The following BTG4 variants were observed in gnomAD, a reference collection of about 807,000 sequenced individuals.
BTG4 encodes the protein BTG anti-proliferation factor 4, also known as protein BTG4.
BTG4 carries 10 observed loss-of-function variants against 19.3 expected under a neutral mutation model. That is an observed-to-expected ratio of 0.52 (90% CI 0.32 to 0.88). BTG4 has a LOEUF of 0.88. Ranked by LOEUF, BTG4 falls within the 40% of genes least tolerant of loss-of-function variation. The pLI is 0.04. For missense variants in BTG4, 238 were observed against 281.9 expected (o/e 0.84, Z 1.11); for synonymous variants, 91 against 95.7 (o/e 0.95, Z 0.29).
chr11:111,462,605 T>C (rs990498247), downstream of BTG4, among the ~76,000 whole-genome samples: 6 of 152,166 alleles, frequency 3.9e-5, no homozygotes, highest in Admixed American at 2.0e-4. Flanking sequence ...TCCGATAATC[T>C]ATTGTCTTTT....
chr11:111,417,631 A>G, the BTG4 span: 1 of 152,188 alleles, frequency 6.6e-6, no homozygotes, highest in Admixed American at 6.5e-5. Context: ...GCACTGTCTG[A>G]GGGCTGACCA....
the BTG4 span, chr11:111,385,564 T>A: frequency 1.3e-5 from 2 of 151,890 alleles, no homozygotes; most frequent in Non-Finnish European, 2.9e-5. Context: ...GACTAATACA[T>A]CATGATATAA....
the BTG4 span, among the ~76,000 whole-genome samples, chr11:111,408,098 T>G: frequency 2.0e-5 from 3 of 152,198 alleles, no homozygotes; most frequent in Middle Eastern, 3.2e-3. Context: ...CCTTGGAACA[T>G]GTAGCCTTCC....
chr11:111,490,859 A>G (rs772724121), downstream of BTG4, among the ~76,000 whole-genome samples: 1 of 152,232 alleles, frequency 6.6e-6, no homozygotes, highest in East Asian at 1.9e-4. Flanking sequence ...TGCAACTACT[A>G]TATGACCCAT....
In BTG4 at chr11:111,502,527, T is replaced by G. The variant is rs12288359; in HGVS notation, c.-26-3725A>C. 2.4e-3 allele frequency among the ~76,000 whole-genome samples: 370 copies of G among 152,336 alleles called. 2 individuals are homozygous for G. The highest frequency in any genetic ancestry group is 8.4e-3 in the African/African-American group (351 of 41,570). ...TTGCTAGGGTAACTTTTGCAAAGAT[T>G]ATTTTTTAAAATTTATGTTACAAGG... On this transcript the variant is annotated intron_variant, in intron 1 of 4. Coordinates refer to ENST00000692032, the MANE Select transcript of BTG4 (RefSeq NM_001367975.1).
exon 6 of BTG4, chr11:111,467,595 T>C (rs562696842): frequency 2.8e-6 from 2 of 717,944 alleles, no homozygotes; most frequent in Non-Finnish European, 5.0e-6. Context: ...CTCATCTTCC[T>C]GCCATGGAAG....
intron 1 of BTG4, among the ~76,000 whole-genome samples, chr11:111,501,842 G>A (rs906713307): frequency 1.3e-5 from 2 of 152,062 alleles, no homozygotes; most frequent in Admixed American, 6.6e-5. Flanking sequence ...TGAAATGGGT[G>A]GCTGAGCATC....
intron 5 of BTG4, among the ~76,000 whole-genome samples, chr11:111,472,007 A>C (rs1396752014): frequency 1.3e-5 from 2 of 152,150 alleles, no homozygotes; most frequent in Non-Finnish European, 2.9e-5. Context: ...CAACTACAAT[A>C]CCACCCTTGT....
chr11:111,401,051 C>G, the BTG4 span: 1 of 9,836 alleles, frequency 1.0e-4, no homozygotes, highest in Non-Finnish European at 2.0e-4. Flanking sequence ...GAACCTGGAG[C>G]ATAAAAAAAA....
At chr11:111,455,703 T>G in the BTG4 span, 11 of 415,284 alleles carry the variant, frequency 2.6e-5, no homozygotes, top group Non-Finnish European at 5.0e-5. Context: ...GTCCCGGAAC[T>G]GGCCAAAACA....
At chr11:111,455,891 T>G in the BTG4 span, 2 of 441,710 alleles carry the variant, frequency 4.5e-6, no homozygotes, top group Non-Finnish European at 9.3e-6. Context: ...GAGCTTTGCT[T>G]GGGCCTCAGC....
intron 5 of BTG4, among the ~76,000 whole-genome samples, chr11:111,487,861 A>G (rs1865160311): frequency 6.6e-6 from 1 of 152,172 alleles, no homozygotes; most frequent in South Asian, 2.1e-4. Flanking sequence ...TCCCATTTAC[A>G]ATAGCTACAA....
At chr11:111,474,192 A>G (rs1464755709) in intron 5 of BTG4, among the ~76,000 whole-genome samples, 1 of 152,158 alleles carries the variant, frequency 6.6e-6, no homozygotes, top group Admixed American at 6.5e-5. Flanking sequence ...GAAAACTTTT[A>G]AACCTTTATT....
downstream of BTG4, among the ~76,000 whole-genome samples, chr11:111,465,789 GGAGAATGAGGCCATGCTTCTA>G (rs1863686171): frequency 6.6e-6 from 1 of 152,186 alleles, no homozygotes; most frequent in Non-Finnish European, 1.5e-5. Flanking sequence ...AGGCTTTGTA[GGAGAATGAGGCCATGCTTCTA>G]CCGTGAGGAA....
At chr11:111,498,260 G>T (rs1865859428) in intron 2 of BTG4, 125 bp from the exon 3 acceptor site, 1 of 1,047,250 alleles carries the variant, frequency 9.5e-7, no homozygotes, top group South Asian at 1.5e-5. Flanking sequence ...CTTCCCCTCA[G>T]CCTCCTCCAC....
intron 5 of BTG4, among the ~76,000 whole-genome samples, chr11:111,476,376 G>T (rs78591557): frequency 0.027 from 4,067 of 152,140 alleles, 95 homozygotes; most frequent in Middle Eastern, 0.088. Context: ...GGATTTAGCT[G>T]TCAATCCAAC....
intron 4 of BTG4, among the ~76,000 whole-genome samples, chr11:111,495,889 A>G (rs747311216): frequency 6.6e-6 from 1 of 152,244 alleles, no homozygotes; most frequent in Non-Finnish European, 1.5e-5. Context: ...TCTTTGAATA[A>G]CATAGTTTGG....
the BTG4 span, among the ~76,000 whole-genome samples, chr11:111,442,455 C>T: frequency 1.3e-5 from 2 of 149,664 alleles, no homozygotes; most frequent in Non-Finnish European, 3.0e-5. Flanking sequence ...GAGCCAAGAT[C>T]GAGTCACTGC....
chr11:111,461,890 T>C, the BTG4 span: 1 of 152,650 alleles, frequency 6.6e-6, no homozygotes, highest in African/African-American at 2.4e-5. Context: ...CTGGATATTG[T>C]AGCTGGACAT....
Sources: allele counts gnomAD v4.1 joint callset (sites outside exome capture counted in the v4.1 genomes callset), GRCh38; gene constraint gnomAD v4.1.1; transcripts MANE v1.5; gene names NCBI Gene and HGNC (gene_info 2026-07-23, HGNC 2026-07-21).